Variants in FAM151A observed in about 807,000 individuals in gnomAD.
The protein encoded by FAM151A is family with sequence similarity 151 member A.
A neutral mutation model predicts 40.4 loss-of-function variants in FAM151A; 41 were observed. The observed-to-expected ratio is 1.01, with a 90% CI of 0.79 to 1.32. The LOEUF (loss-of-function observed/expected upper bound fraction) is 1.32, where lower values mean the gene tolerates loss of function less well. Among genes scored for constraint, FAM151A ranks in the 40% most tolerant of loss-of-function variants. FAM151A has a pLI of 0.00. For missense variants in FAM151A, 740 were observed against 740.4 expected (o/e 1.00, Z 0.01); for synonymous variants, 337 against 312.5 (o/e 1.08, Z -0.83).
rs1172726832 is a variant in FAM151A, at chr1:54,614,873, A to G, written c.416-14T>C. The G allele has an allele frequency of 1.2e-6, 2 of 1,611,732 alleles. No homozygotes were observed. The highest frequency in any genetic ancestry group is 1.3e-5 in the African/African-American group (1 of 74,800). On this transcript the variant is annotated splice_polypyrimidine_tract_variant and intron_variant, in intron 3 of 7. Coordinates refer to ENST00000302250, the MANE Select transcript of FAM151A (RefSeq NM_176782.3). ...CCAGTTTGATGCCTGTGGGGAAAGGAACAAGGGCTTGGGGAAATGGCGAAG... is the reference window on the plus strand; with the variant it reads ...CCAGTTTGATGCCTGTGGGGAAAGGGACAAGGGCTTGGGGAAATGGCGAAG...
chr1:54,614,606 A>T (rs886178859), intron 4 of FAM151A, 94 bp downstream of exon 4: 53 of 1,301,842 alleles, frequency 4.1e-5, no homozygotes, highest in Non-Finnish European at 5.5e-5. Context: ...GTATGATTGG[A>T]GACAAACTCA....
intron 1 of FAM151A, 37 bp from the exon 2 acceptor site, chr1:54,620,044 TC>T: frequency 1.2e-6 from 2 of 1,605,814 alleles, no homozygotes; most frequent in Non-Finnish European, 1.7e-6. Flanking sequence ...GCGTCTGTCC[TC>T]GCCCCAGCCC....
intron 6 of FAM151A, 99 bp from the exon 7 acceptor site, chr1:54,610,654 C>G: frequency 4.7e-6 from 7 of 1,503,408 alleles, no homozygotes; most frequent in Admixed American, 2.2e-5. Context: ...CGGGCATCCT[C>G]TCTAAGCCTC....
chr1:54,610,667 A>G (rs927224078), intron 6 of FAM151A, 112 bp from the exon 7 acceptor site: 7 of 1,467,802 alleles, frequency 4.8e-6, no homozygotes, highest in African/African-American at 1.4e-5. Flanking sequence ...TAAGCCTCAT[A>G]GCACCCTGCC....
chr1:54,617,814 G>C (rs1033491068), intron 2 of FAM151A, among the ~76,000 whole-genome samples: 1 of 141,798 alleles, frequency 7.1e-6, no homozygotes. Flanking sequence ...ACCTCTGCCT[G>C]CTGGGTTCAA....
rs760043558 is a variant in FAM151A, at chr1:54,609,292, C to T, written c.1734G>A (p.Leu578=). 2.0e-5 allele frequency: 32 copies of T among 1,607,650 alleles called. No homozygotes were observed. In the East Asian group the frequency reaches 7.2e-4, roughly 36 times the overall value. Residue 578 remains leucine, a synonymous_variant, in exon 8 of 8, where the codon TTG becomes TTA. Transcript: ENST00000302250. ...CTCAGTTTCTACCAACATGAGCCAG[C>T]AAGTCCTTGTGGTAGCCCTGGGGTA... The part of the protein sequence containing the change: ...YRLPQGYHKD[L]LAHVGRN
At chr1:54,618,295 G>A (rs1266352574) in intron 2 of FAM151A, among the ~76,000 whole-genome samples, 1 of 152,138 alleles carries the variant, frequency 6.6e-6, no homozygotes, top group Non-Finnish European at 1.5e-5. Context: ...CTTGAGTTTA[G>A]GAGTTCGAGA....
intron 2 of FAM151A, among the ~76,000 whole-genome samples, chr1:54,618,903 A>T (rs1038327452): frequency 4.6e-5 from 7 of 152,200 alleles, no homozygotes; most frequent in African/African-American, 1.4e-4. Flanking sequence ...CTGGTTAGGC[A>T]TTCACTAAGT....
intron 6 of FAM151A, chr1:54,611,071 CTG>C (rs1166472060): frequency 2.1e-6 from 2 of 946,068 alleles, no homozygotes; most frequent in African/African-American, 1.8e-5. Flanking sequence ...AGCTGAGTGA[CTG>C]TATAAATTCC....
rs1336904962 is a variant in FAM151A, at chr1:54,612,550, C to T, written c.736G>A (p.Val246Ile). ...GCAGCCCGCACCATGGAAGACCGTACAGGGAAGGTGACCCTCTGGGGCACT... is the reference window on the plus strand; with the variant it reads ...GCAGCCCGCACCATGGAAGACCGTATAGGGAAGGTGACCCTCTGGGGCACT... Reference protein sequence around the residue: ...GGVPQRVTFPVRSSMVRAAWP... With the variant: ...GGVPQRVTFPIRSSMVRAAWP... The change falls in exon 5 of 8, where the codon GTA (valine) becomes ATA (isoleucine). Residue 246 changes from valine to isoleucine, a missense_variant. Coordinates refer to ENST00000302250, the MANE Select transcript of FAM151A (RefSeq NM_176782.3). 6.2e-7 allele frequency: 1 copy of T among 1,614,060 alleles called. No homozygotes were observed. The highest frequency in any genetic ancestry group is 8.5e-7 in the Non-Finnish European group (1 of 1,180,012).
intron 2 of FAM151A, among the ~76,000 whole-genome samples, chr1:54,617,887 C>A (rs544592332): frequency 7.9e-5 from 12 of 151,532 alleles, no homozygotes; most frequent in African/African-American, 2.7e-4. Context: ...CCACCATGCA[C>A]GGCTAATTTT....
intron 3 of FAM151A, 73 bp from the exon 4 acceptor site, chr1:54,614,932 C>T (rs1644156042): frequency 2.3e-6 from 3 of 1,288,012 alleles, no homozygotes; most frequent in Non-Finnish European, 1.1e-6. Flanking sequence ...GGGCAGAAAG[C>T]AGAGCGGGTG....
chr1:54,619,212 T>C (rs1437198531), intron 2 of FAM151A, among the ~76,000 whole-genome samples: 2 of 152,206 alleles, frequency 1.3e-5, no homozygotes, highest in African/African-American at 4.8e-5. Flanking sequence ...TCATCTTTTA[T>C]AGCTACTGCT....
chr1:54,620,078 A>G lies in FAM151A; in HGVS notation c.119-71T>C. On this transcript the variant is annotated intron_variant, in intron 1 of 7. Transcript: ENST00000302250. Reference sequence around the variant, plus strand: ...CCCAAGACTCATGTTCGTTCATCCCATGACCCTCCCTGGGCTCCCACTGTG... The same window carrying G: ...CCCAAGACTCATGTTCGTTCATCCCGTGACCCTCCCTGGGCTCCCACTGTG... 7 of 1,536,510 alleles carry G rather than the reference A, an allele frequency of 4.6e-6. No individual in the cohort carries two copies. In the South Asian group the frequency reaches 6.0e-5, roughly 13 times the overall value.
chr1:54,619,986 C>T lies in FAM151A; in HGVS notation c.140G>A (p.Ser47Asn). ...RRPGCELEAC[S>N]PDADMLDYLL... ...GTAGTCCAGCATGTCGGCATCAGGG[C>T]TGCAGGCCTCCAGCTCACAGCCTGG... is the stretch of plus-strand genomic sequence containing the variant. Residue 47 changes from serine to asparagine, a missense_variant, in exon 2 of 8, where the codon AGC (serine) becomes AAC (asparagine). Coordinates refer to ENST00000302250, the MANE Select transcript of FAM151A (RefSeq NM_176782.3). 2 of 1,613,884 alleles carry T rather than the reference C, an allele frequency of 1.2e-6. No individual in the cohort carries two copies. Among genetic ancestry groups the T allele is most frequent in the Non-Finnish European group, 1.7e-6 (2 of 1,179,884 alleles).
intron 6 of FAM151A, 199 bp from the exon 7 acceptor site, chr1:54,610,754 G>T (rs1468456266): frequency 2.0e-6 from 2 of 984,236 alleles, no homozygotes; most frequent in Non-Finnish European, 2.4e-6. Flanking sequence ...AAGCAAAGTT[G>T]CCAGGAGTGG....
In FAM151A at chr1:54,609,849, G is replaced by A. The variant is rs779794670; in HGVS notation, c.1177C>T (p.Leu393=). 2 of 1,614,090 alleles carry A rather than the reference G, an allele frequency of 1.2e-6. No homozygotes were observed. The highest frequency in any genetic ancestry group is 1.7e-5 in the Admixed American group (1 of 60,032). The part of the protein sequence containing the change: ...PIVHTPSGNI[L]TLESCLQQLA... ...TGCTGCAGGCAGGACTCCAGCGTCA[G>A]GATGTTGCCACTTGGAGTATGAACA... Residue 393 remains leucine (L), a synonymous_variant, in exon 8 of 8, where the codon CTG becomes TTG. Coordinates refer to ENST00000302250, the MANE Select transcript of FAM151A (RefSeq NM_176782.3).
rs200866369 is a variant in FAM151A at position 54,616,089 on chromosome 1, G to C, written c.346C>G (p.Pro116Ala). The C allele has an allele frequency of 1.9e-6, 3 of 1,613,996 alleles. No homozygotes were observed. Among genetic ancestry groups the C allele is most frequent in the Non-Finnish European group, 1.7e-6 (2 of 1,180,018 alleles). The change falls in exon 3 of 8, where the codon CCC becomes GCC. Residue 116 changes from proline (P) to alanine (A), a missense_variant. By Grantham distance (27) the Pro-to-Ala change is conservative. Coordinates refer to ENST00000302250, the MANE Select transcript of FAM151A (RefSeq NM_176782.3). ...GTGTTGTCACTGTAGATAGTGGGGG[G>C]GTGTGCCATGATGGGAACTCCTGTC... Reference protein sequence around the residue: ...NETGVPIMAHPPTIYSDNTLE... With the variant: ...NETGVPIMAHAPTIYSDNTLE...
In FAM151A at chr1:54,623,416, G is replaced by T. The variant is rs1569808547; in HGVS notation, c.-21C>A. On this transcript the variant is annotated 5_prime_UTR_variant, in exon 1 of 8. Coordinates refer to ENST00000302250, the MANE Select transcript of FAM151A (RefSeq NM_176782.3). ...ACCATGGCGACGCTCTCTGGGGAATGCCCCCAACTCCGTGCGGCCCAGAGT... is the reference window on the plus strand; with the variant it reads ...ACCATGGCGACGCTCTCTGGGGAATTCCCCCAACTCCGTGCGGCCCAGAGT... 6.3e-7 allele frequency: 1 copy of T among 1,586,516 alleles called. No individual in the cohort carries two copies. The highest frequency in any genetic ancestry group is 1.1e-5 in the South Asian group (1 of 90,336).
Sources: allele counts gnomAD v4.1 joint callset (sites outside exome capture counted in the v4.1 genomes callset), GRCh38; gene constraint gnomAD v4.1.1; transcripts MANE v1.5; gene names NCBI Gene and HGNC (gene_info 2026-07-23, HGNC 2026-07-21).